The following COPS4 variants were observed in gnomAD, a reference collection of about 807,000 sequenced individuals.
The protein encoded by COPS4 is COP9 signalosome subunit 4.
COPS4 carries 8 observed loss-of-function variants against 55.1 expected under a neutral mutation model. The observed-to-expected ratio is 0.15, with a 90% CI of 0.09 to 0.26. The LOEUF is 0.26. COPS4 is among the 10% of genes least tolerant of loss of function. The probability of loss-of-function intolerance (pLI) is 1.00; values close to 1 mark genes in which losing one functional copy is unlikely to be tolerated. For missense variants in COPS4, 248 were observed against 484.0 expected (o/e 0.51, Z 4.58); for synonymous variants, 185 against 165.7 (o/e 1.12, Z -0.90).
chr4:83,066,383 C>T, intron 7 of COPS4, 55 bp from the exon 8 acceptor site: 1 of 844,088 alleles, frequency 1.2e-6, no homozygotes, highest in East Asian at 2.8e-5. Flanking sequence ...AATGATGCAT[C>T]TTTTTAGAGT....
chr4:83,049,743 G>C (rs1036701120), intron 3 of COPS4, 138 bp from the exon 4 acceptor site: 8 of 574,250 alleles, frequency 1.4e-5, no homozygotes, highest in Non-Finnish European at 2.4e-5. Flanking sequence ...AGGAAAACTT[G>C]GGTGGTCTTG....
At chr4:83,073,851 G>A (rs551422726) in intron 9 of COPS4, among the ~76,000 whole-genome samples, 1 of 152,124 alleles carries the variant, frequency 6.6e-6, no homozygotes, top group Non-Finnish European at 1.5e-5. Context: ...CAGCTACTTG[G>A]GAGGCTGAAG....
At chr4:83,058,847 C>T (rs568737714) in intron 6 of COPS4, among the ~76,000 whole-genome samples, 2 of 152,276 alleles carry the variant, frequency 1.3e-5, no homozygotes, top group African/African-American at 2.4e-5. Context: ...CTTTCTGGAT[C>T]CAAAGGTACA....
At chr4:83,046,887 G>T (rs1205916664) in intron 2 of COPS4, among the ~76,000 whole-genome samples, 1 of 152,144 alleles carries the variant, frequency 6.6e-6, no homozygotes, top group Non-Finnish European at 1.5e-5. Context: ...AGCTGGCAGA[G>T]CCCAGATCAG....
rs921513812 is a variant in COPS4 at position 83,066,300 on chromosome 4, T to C, written c.887-138T>C. 6 of 478,646 alleles carry C rather than the reference T, an allele frequency of 1.3e-5. No homozygotes were observed. The Admixed American group carries it at 1.9e-4, about 15-fold the overall frequency. The allele number at this position is 478,646 out of a possible 1,614,324, so 29.6% of individuals were successfully genotyped here. A position where few individuals can be genotyped will look rare whatever the true frequency, so the allele number is the denominator to read the frequency against. ...ACATTAATGAAACTACATCATATAT[T>C]GGCTACTTTTAAAATTTTGATCAGA... On this transcript the variant is annotated intron_variant, in intron 7 of 9. Coordinates refer to ENST00000264389, the MANE Select transcript of COPS4 (RefSeq NM_016129.3).
At chr4:83,057,217 T>C (rs1230882345) in intron 5 of COPS4, 41 bp from the exon 6 acceptor site, 1 of 1,556,704 alleles carries the variant, frequency 6.4e-7, no homozygotes, top group African/African-American at 1.4e-5. Flanking sequence ...AACTCTTGCT[T>C]TTTAATTTGT....
intron 1 of COPS4, among the ~76,000 whole-genome samples, chr4:83,037,405 G>C (rs997733860): frequency 1.3e-5 from 2 of 152,200 alleles, no homozygotes; most frequent in African/African-American, 4.8e-5. Context: ...ATTGGAAGCC[G>C]TTACTGTAGC....
At chr4:83,054,584 C>G (rs1027262314) in intron 4 of COPS4, among the ~76,000 whole-genome samples, 1 of 152,180 alleles carries the variant, frequency 6.6e-6, no homozygotes, top group African/African-American at 2.4e-5. Flanking sequence ...TTTTGCATTT[C>G]AAGGTCCCTT....
At chr4:83,042,320 AT>A (rs1170611435) in intron 1 of COPS4, among the ~76,000 whole-genome samples, 1 of 152,208 alleles carries the variant, frequency 6.6e-6, no homozygotes, top group Non-Finnish European at 1.5e-5. Flanking sequence ...TAAGGACTCA[AT>A]TAACACCTTG....
intron 6 of COPS4, among the ~76,000 whole-genome samples, chr4:83,058,174 G>A (rs918626667): frequency 2.0e-5 from 3 of 151,658 alleles, no homozygotes; most frequent in African/African-American, 7.3e-5. Context: ...CTGAATTTTA[G>A]CATGTAAATC....
At chr4:83,073,291 A>ATG (rs1330461646) in intron 9 of COPS4, 2 of 699,744 alleles carry the variant, frequency 2.9e-6, no homozygotes, top group Admixed American at 4.0e-5. Flanking sequence ...AATATGTGAC[A>ATG]TGTGACCTTT....
intron 9 of COPS4, 86 bp downstream of exon 9, chr4:83,068,608 G>C: frequency 1.2e-6 from 1 of 815,494 alleles, no homozygotes; most frequent in Non-Finnish European, 2.0e-6. Flanking sequence ...AGTTTCCTTT[G>C]ACTCAGAATC....
At chr4:83,038,923 G>A (rs982352277) in intron 1 of COPS4, among the ~76,000 whole-genome samples, 2 of 152,070 alleles carry the variant, frequency 1.3e-5, no homozygotes, top group Non-Finnish European at 2.9e-5. Flanking sequence ...GATTACAGGC[G>A]TGAGCCACCG....
intron 4 of COPS4, 60 bp downstream of exon 4, chr4:83,050,044 T>C (rs1042453849): frequency 2.0e-6 from 2 of 989,652 alleles, no homozygotes; most frequent in African/African-American, 3.3e-5. Flanking sequence ...TGCTCACTTA[T>C]ATTTTTTCTT....
intron 9 of COPS4, among the ~76,000 whole-genome samples, chr4:83,073,692 C>T (rs538203582): frequency 1.3e-5 from 2 of 151,242 alleles, no homozygotes; most frequent in East Asian, 1.9e-4. Context: ...TAGTGGCTCA[C>T]GCCTGTAATC....
At chr4:83,054,868 CT>C (rs1730977925) in intron 4 of COPS4, among the ~76,000 whole-genome samples, 1 of 152,052 alleles carries the variant, frequency 6.6e-6, no homozygotes, top group Non-Finnish European at 1.5e-5. Flanking sequence ...TAAATGGGAA[CT>C]TTTTCTTTCA....
intron 1 of COPS4, 25 bp from the exon 2 acceptor site, chr4:83,045,601 T>A (rs762770424): frequency 2.1e-5 from 32 of 1,560,948 alleles, no homozygotes; most frequent in Non-Finnish European, 2.7e-5. Flanking sequence ...CCTCAGAACA[T>A]TATTTTCATT....
chr4:83,064,511 T>C (rs1731247685), intron 7 of COPS4, among the ~76,000 whole-genome samples: 2 of 152,212 alleles, frequency 1.3e-5, no homozygotes, highest in Non-Finnish European at 1.5e-5. Flanking sequence ...TAACTCCTTA[T>C]TCTTGCCTCC....
chr4:83,041,595 T>G (rs1410932548), intron 1 of COPS4, among the ~76,000 whole-genome samples: 3 of 152,092 alleles, frequency 2.0e-5, no homozygotes, highest in Admixed American at 6.6e-5. Flanking sequence ...GCCTCCCGTG[T>G]AGCTGGGACT....
Sources: allele counts gnomAD v4.1 joint callset (sites outside exome capture counted in the v4.1 genomes callset), GRCh38; gene constraint gnomAD v4.1.1; transcripts MANE v1.5; gene names NCBI Gene and HGNC (gene_info 2026-07-23, HGNC 2026-07-21).